Variants in DENND1A observed in about 807,000 individuals in gnomAD.
DENND1A encodes the protein DENN domain containing 1A.
DENND1A carries 51 observed loss-of-function variants against 113.7 expected under a neutral mutation model. The observed-to-expected ratio is 0.45, with a 90% confidence interval of 0.36 to 0.57. DENND1A has a LOEUF of 0.57. Among genes scored for constraint, DENND1A ranks in the 20% least tolerant of loss-of-function variants. DENND1A has a pLI of 0.00. For synonymous variants in DENND1A, 565 were observed against 570.8 expected (o/e 0.99, Z 0.14); for missense variants, 1,258 against 1,395.9 (o/e 0.90, Z 1.57).
chr9:123,458,680 G>A (rs1290570648), intron 13 of DENND1A, among the ~76,000 whole-genome samples: 1 of 152,220 alleles, frequency 6.6e-6, no homozygotes, highest in East Asian at 1.9e-4. Flanking sequence ...AGCCCTGCTA[G>A]GCCAGGCGCG....
At chr9:123,790,392 A>T (rs189650718) in intron 3 of DENND1A, among the ~76,000 whole-genome samples, 1 of 152,096 alleles carries the variant, frequency 6.6e-6, no homozygotes, top group East Asian at 1.9e-4. Flanking sequence ...GAGGCGAAAA[A>T]AAAAAGGAAA....
intron 5 of DENND1A, among the ~76,000 whole-genome samples, chr9:123,681,973 C>T (rs1386772826): frequency 6.6e-6 from 1 of 151,320 alleles, no homozygotes; most frequent in Non-Finnish European, 1.5e-5. Flanking sequence ...ATCAACAGGA[C>T]ACGAAAGCCA....
intron 2 of DENND1A, among the ~76,000 whole-genome samples, chr9:123,808,477 C>A (rs185235582): frequency 6.6e-6 from 1 of 151,548 alleles, no homozygotes; most frequent in Non-Finnish European, 1.5e-5. Context: ...AACTCCTGGG[C>A]TCAAATGATC....
intron 18 of DENND1A, among the ~76,000 whole-genome samples, chr9:123,450,120 C>T (rs1329766502): frequency 1.3e-5 from 2 of 151,484 alleles, no homozygotes; most frequent in African/African-American, 4.8e-5. Flanking sequence ...CCCACTTTTA[C>T]TGACGGCTGG....
At chr9:123,482,806 GCAGAAGCCCCAGGC>G (rs2050459208) in intron 13 of DENND1A, among the ~76,000 whole-genome samples, 2 of 152,310 alleles carry the variant, frequency 1.3e-5, no homozygotes, top group Admixed American at 6.5e-5. Flanking sequence ...GGGAAGGTGG[GCAGAAGCCCCAGGC>G]CTCTGTGGGA....
chr9:123,445,010 C>G (rs1231631844), intron 18 of DENND1A, among the ~76,000 whole-genome samples: 1 of 152,178 alleles, frequency 6.6e-6, no homozygotes, highest in Non-Finnish European at 1.5e-5. Flanking sequence ...CCTGCCAGTT[C>G]CCGTCCCTCG....
At chr9:123,813,595 G>A (rs58903756) in intron 2 of DENND1A, among the ~76,000 whole-genome samples, 1 of 152,060 alleles carries the variant, frequency 6.6e-6, no homozygotes, top group African/African-American at 2.4e-5. Context: ...TGGTAGGACA[G>A]AACATACCAG....
At chr9:123,399,481 C>T (rs767844683) in intron 21 of DENND1A, among the ~76,000 whole-genome samples, 67 of 152,318 alleles carry the variant, frequency 4.4e-4, no homozygotes, top group Middle Eastern at 3.4e-3. Context: ...AATTCTCATG[C>T]CTCAGCCTCC....
chr9:123,597,928 C>A (rs1381303998), intron 11 of DENND1A, among the ~76,000 whole-genome samples: 1 of 152,124 alleles, frequency 6.6e-6, no homozygotes, highest in Non-Finnish European at 1.5e-5. Context: ...GCCTGGCTGC[C>A]AGAGGCAGGA....
At chr9:123,660,131 C>A (rs2063156033) in intron 8 of DENND1A, among the ~76,000 whole-genome samples, 2 of 152,184 alleles carry the variant, frequency 1.3e-5, no homozygotes, top group African/African-American at 2.4e-5. Context: ...TACGAGCAGA[C>A]CTTGCCACCT....
Position 123,383,686 on chromosome 9 carries a change from A to G in DENND1A, c.1988T>C (p.Leu663Pro). 6.2e-7 allele frequency: 1 copy of G among 1,613,958 alleles called. No homozygotes were observed. Among genetic ancestry groups the G allele is most frequent in the Non-Finnish European group, 8.5e-7 (1 of 1,179,972 alleles). The change falls in exon 23 of 24, where the codon CTG becomes CCG. Residue 663 changes from leucine (L) to proline (P), a missense_variant. Leu to Pro is a moderately conservative substitution (Grantham distance 98). Around this residue, in one of 2 missense-constraint regions of DENND1A, gnomAD observed 1,159 missense variants for 1,231.7 expected, o/e 0.94. Coordinates refer to ENST00000394215, the MANE Select transcript of DENND1A (RefSeq NM_001352964.2). ...GTCAAAGGTCCCTGGCTGCTCCCTC[A>G]GGTCTTTGGGGGCACGAAGGTCCTC... ...SLEDLRAPKDLREQPGTFDYQ... is the reference protein window; with the variant it reads ...SLEDLRAPKDPREQPGTFDYQ...
At chr9:123,886,727 A>G (rs1218169108) in intron 1 of DENND1A, among the ~76,000 whole-genome samples, 3 of 152,006 alleles carry the variant, frequency 2.0e-5, no homozygotes, top group Non-Finnish European at 4.4e-5. Flanking sequence ...GGCTGAAAAC[A>G]TTGTATCAAA....
chr9:123,496,534 G>C (rs1303640755), intron 13 of DENND1A, among the ~76,000 whole-genome samples: 5 of 152,142 alleles, frequency 3.3e-5, no homozygotes, highest in African/African-American at 1.2e-4. Context: ...CCAGTCCTGA[G>C]TTTTCCTGCT....
chr9:123,543,533 T>C (rs907770865), intron 13 of DENND1A, among the ~76,000 whole-genome samples: 4 of 152,148 alleles, frequency 2.6e-5, no homozygotes, highest in Non-Finnish European at 4.4e-5. Flanking sequence ...CAACACAGTC[T>C]CTTATGGCCT....
At chr9:123,615,580 A>C (rs1027243252) in intron 10 of DENND1A, among the ~76,000 whole-genome samples, 1 of 152,228 alleles carries the variant, frequency 6.6e-6, no homozygotes, top group Non-Finnish European at 1.5e-5. Context: ...CATCTCAGTC[A>C]CATGGTGGCC....
At chr9:123,539,566 G>A (rs369825381) in intron 13 of DENND1A, among the ~76,000 whole-genome samples, 25 of 152,196 alleles carry the variant, frequency 1.6e-4, no homozygotes, top group East Asian at 1.4e-3. Context: ...TGGGATGAAA[G>A]GGGATTCTAG....
At chr9:123,884,660 T>C (rs1485665677) in intron 1 of DENND1A, among the ~76,000 whole-genome samples, 1 of 152,118 alleles carries the variant, frequency 6.6e-6, no homozygotes, top group Non-Finnish European at 1.5e-5. Flanking sequence ...ACTTACTGCT[T>C]CCTATGTGCC....
intron 11 of DENND1A, among the ~76,000 whole-genome samples, chr9:123,589,144 C>G (rs10986064): frequency 6.6e-6 from 1 of 151,934 alleles, no homozygotes; most frequent in East Asian, 1.9e-4. Context: ...AAGAACTTTG[C>G]GTGGATCATT....
intron 13 of DENND1A, among the ~76,000 whole-genome samples, chr9:123,487,415 T>C (rs2050980249): frequency 1.3e-5 from 2 of 152,226 alleles, no homozygotes; most frequent in African/African-American, 4.8e-5. Flanking sequence ...GTCTTCAGAA[T>C]GTTTTCTCTC....
Sources: gnomAD v4.1 joint callset for allele counts (sites outside exome capture counted in the v4.1 genomes callset) on GRCh38, gnomAD v4.1.1 for gene constraint, gnomAD v4.1.1 regional missense constraint, MANE v1.5 for transcripts, NCBI Gene and HGNC (gene_info 2026-07-23, HGNC 2026-07-21) for gene names.